Variants in RAPGEF5 observed in about 807,000 individuals in gnomAD.
The protein encoded by RAPGEF5 is Rap guanine nucleotide exchange factor 5.
In RAPGEF5, 65 loss-of-function variants were observed where a neutral mutation model predicts 125.2. The observed-to-expected ratio is 0.52, with a 90% CI of 0.43 to 0.64. The LOEUF is 0.64. Ranked by LOEUF, RAPGEF5 falls within the 30% of genes least tolerant of loss-of-function variation. The pLI, the probability that RAPGEF5 is intolerant of heterozygous loss-of-function variation, is 0.00. For missense variants in RAPGEF5, 958 were observed against 1,048.1 expected (o/e 0.91, Z 1.19); for synonymous variants, 391 against 385.9 (o/e 1.01, Z -0.16).
At chr7:22,225,795 G>C (rs899480976) in intron 8 of RAPGEF5, among the ~76,000 whole-genome samples, 1 of 152,130 alleles carries the variant, frequency 6.6e-6, no homozygotes, top group Admixed American at 6.5e-5. Flanking sequence ...ATGTATAACT[G>C]TCAGAAGAGT....
At chr7:22,124,019 T>G (rs954178564) in intron 25 of RAPGEF5, among the ~76,000 whole-genome samples, 1 of 152,224 alleles carries the variant, frequency 6.6e-6, no homozygotes, top group Non-Finnish European at 1.5e-5. Flanking sequence ...AACCAATTTT[T>G]TAAAGATACT....
intron 9 of RAPGEF5, among the ~76,000 whole-genome samples, chr7:22,207,955 G>C (rs1395136899): frequency 6.6e-6 from 1 of 152,006 alleles, no homozygotes. Flanking sequence ...CAATTTTCTG[G>C]AAACAAATAC....
rs540198804 is a variant in RAPGEF5 at position 22,178,483 on chromosome 7, T to C, written c.1205-11335A>G. Among the ~76,000 whole-genome samples, 3 of 152,316 alleles carry C rather than the reference T, an allele frequency of 2.0e-5. No individual in the cohort carries two copies. In the South Asian group the frequency reaches 6.2e-4, roughly 32 times the overall value. ...CTGTACTTCTGACCAGTGGGCTCTA[T>C]ATCAGGGTTCTCACAACCACCCTCT... is the stretch of plus-strand genomic sequence containing the variant. On this transcript the variant is annotated intron_variant, in intron 11 of 25. Coordinates refer to ENST00000665637, the MANE Select transcript of RAPGEF5 (RefSeq NM_012294.5).
chr7:22,290,849 G>C (rs1015614978), intron 6 of RAPGEF5, among the ~76,000 whole-genome samples: 7 of 150,138 alleles, frequency 4.7e-5, no homozygotes, highest in Non-Finnish European at 8.9e-5. Context: ...TTTCCCTAAT[G>C]AAAGAGTCTT....
intron 6 of RAPGEF5, among the ~76,000 whole-genome samples, chr7:22,280,090 G>T (rs1480906393): frequency 1.3e-5 from 2 of 152,134 alleles, no homozygotes; most frequent in African/African-American, 4.8e-5. Flanking sequence ...TGGAGGAACA[G>T]TCCTAAAGTT....
intron 7 of RAPGEF5, among the ~76,000 whole-genome samples, chr7:22,239,499 C>T (rs1786270501): frequency 6.6e-6 from 1 of 152,094 alleles, no homozygotes; most frequent in Admixed American, 6.5e-5. Context: ...ATGCTCAGCA[C>T]ACTTGACAAG....
chr7:22,330,535 G>A (rs904400848), intron 1 of RAPGEF5, among the ~76,000 whole-genome samples: 1 of 152,214 alleles, frequency 6.6e-6, no homozygotes, highest in Non-Finnish European at 1.5e-5. Flanking sequence ...CTCTGCCCAA[G>A]TTCCTGTTCT....
chr7:22,249,550 T>C (rs1240759275), intron 7 of RAPGEF5, among the ~76,000 whole-genome samples: 2 of 152,192 alleles, frequency 1.3e-5, no homozygotes, highest in African/African-American at 2.4e-5. Context: ...AAGTTTAGTA[T>C]AGAAACTTTA....
At chr7:22,230,197 T>C (rs562324512) in intron 8 of RAPGEF5, among the ~76,000 whole-genome samples, 12 of 152,344 alleles carry the variant, frequency 7.9e-5, no homozygotes, top group African/African-American at 2.9e-4. Flanking sequence ...ATAATTTTAA[T>C]ATGAACTTGA....
chr7:22,169,415 T>G (rs556792915), intron 11 of RAPGEF5, among the ~76,000 whole-genome samples: 1 of 152,230 alleles, frequency 6.6e-6, no homozygotes, highest in African/African-American at 2.4e-5. Flanking sequence ...ACTTGCATAT[T>G]AGCTGGAAAC....
At chr7:22,208,542 C>T (rs191844023) in intron 9 of RAPGEF5, among the ~76,000 whole-genome samples, 10 of 152,280 alleles carry the variant, frequency 6.6e-5, no homozygotes, top group East Asian at 5.8e-4. Context: ...GTCTGAAGAC[C>T]AGTGCAATAA....
intron 1 of RAPGEF5, among the ~76,000 whole-genome samples, chr7:22,324,823 CAT>C (rs1783781886): frequency 6.6e-6 from 1 of 152,192 alleles, no homozygotes; most frequent in East Asian, 1.9e-4. Context: ...CACCTCCCTA[CAT>C]GTCACCTTAT....
At chr7:22,298,302 C>T (rs949447721) in intron 5 of RAPGEF5, among the ~76,000 whole-genome samples, 2 of 151,872 alleles carry the variant, frequency 1.3e-5, no homozygotes, top group African/African-American at 2.4e-5. Flanking sequence ...TTCAGTCTCC[C>T]GAGTAGGTGG....
At chr7:22,151,743 T>G (rs1197233806) in intron 17 of RAPGEF5, among the ~76,000 whole-genome samples, 1 of 152,188 alleles carries the variant, frequency 6.6e-6, no homozygotes, top group Non-Finnish European at 1.5e-5. Context: ...GAATTACAGG[T>G]GGCAGCCACT....
chr7:22,350,886 T>C (rs1374174152), intron 1 of RAPGEF5, among the ~76,000 whole-genome samples: 1 of 152,196 alleles, frequency 6.6e-6, no homozygotes, highest in Non-Finnish European at 1.5e-5. Context: ...ATCAGGATAG[T>C]AGTTTGTCAG....
rs59147151 is a variant in RAPGEF5 at position 22,185,751 on chromosome 7, C to T, written c.1204+7616G>A. Among the ~76,000 whole-genome samples, 6 of 152,310 alleles carry T rather than the reference C, an allele frequency of 3.9e-5. No homozygotes were observed. The East Asian group carries it at 9.6e-4, about 24-fold the overall frequency. ...AACAAGCCCTTACCAAACAGTGGTA[C>T]TCTTCATCTGCATCTGAGGCACACC... On this transcript the variant is annotated intron_variant, in intron 11 of 25. Coordinates refer to ENST00000665637, the MANE Select transcript of RAPGEF5 (RefSeq NM_012294.5).
chr7:22,125,698 T>C, intron 24 of RAPGEF5, 40 bp from the exon 25 acceptor site: 1 of 1,553,474 alleles, frequency 6.4e-7, no homozygotes, highest in Non-Finnish European at 8.9e-7. Flanking sequence ...GGAAGGGTCG[T>C]TGAGGGTGTT....
chr7:22,329,782 G>A (rs185663346), intron 1 of RAPGEF5, among the ~76,000 whole-genome samples: 1 of 152,314 alleles, frequency 6.6e-6, no homozygotes, highest in African/African-American at 2.4e-5. Context: ...CGAAGGCAAT[G>A]GGTGGATGAG....
At chr7:22,317,788 T>C (rs977137120) in intron 2 of RAPGEF5, among the ~76,000 whole-genome samples, 199 bp downstream of exon 2, 1 of 152,210 alleles carries the variant, frequency 6.6e-6, no homozygotes, top group Admixed American at 6.5e-5. Flanking sequence ...GTGAACATCT[T>C]GAATCATGAC....
Sources: allele counts gnomAD v4.1 joint callset (sites outside exome capture counted in the v4.1 genomes callset), GRCh38; gene constraint gnomAD v4.1.1; transcripts MANE v1.5; gene names NCBI Gene and HGNC (gene_info 2026-07-23, HGNC 2026-07-21).